Variants in APBA3 observed in about 807,000 individuals in gnomAD.
APBA3 encodes amyloid-beta A4 precursor protein-binding family A member 3.
APBA3 carries 45 observed loss-of-function variants against 55.9 expected under a neutral mutation model. The ratio of observed to expected loss-of-function variants is 0.80; its 90% CI spans 0.63 to 1.03. APBA3 has a LOEUF of 1.03. Among genes scored for constraint, APBA3 ranks in the 50% least tolerant of loss-of-function variants. APBA3 has a pLI of 0.00. For missense variants in APBA3, 865 were observed against 820.3 expected (o/e 1.05, Z -0.67); for synonymous variants, 370 against 353.3 (o/e 1.05, Z -0.53).
At position 3,750,871 on chromosome 19, in the gene APBA3, G is replaced by A. The variant is rs4807505; in HGVS notation, c.*155C>T. 0.13 allele frequency: 141,561 copies of A among 1,072,908 alleles called. 10,458 individuals carry two copies. Among genetic ancestry groups the A allele is most frequent in the South Asian group, 0.23 (16,487 of 71,352 alleles). 66.5% of individuals were successfully genotyped at this position (1,072,908 alleles called of 1,614,324 possible). On this transcript the variant is annotated 3_prime_UTR_variant, in exon 11 of 11. Coordinates refer to ENST00000316757, the MANE Select transcript of APBA3 (RefSeq NM_004886.4). ...TCCTCGGTCCCGTAGACCCTGATCCGAGACTTTGCCAAATGCATAAGCTTT... is the reference window on the plus strand; with the variant it reads ...TCCTCGGTCCCGTAGACCCTGATCCAAGACTTTGCCAAATGCATAAGCTTT...
chr19:3,753,183 A>T, intron 6 of APBA3, 193 bp from the exon 7 acceptor site: 8 of 641,918 alleles, frequency 1.2e-5, no homozygotes, highest in East Asian at 2.8e-5. Context: ...GGGAGAAGGA[A>T]GGGGAGGGGC....
At position 3,759,702 on chromosome 19, in the gene APBA3, G is replaced by A; in HGVS notation, c.563C>T (p.Pro188Leu). ...GGCGGGCACTACCTGGGCACCAGCG[G>A]GTGGCTCTTCAGGTGTGACTAGAGG... Reference protein sequence around the residue: ...TVPLVTPEEPPAGAQSPETLA... With the variant: ...TVPLVTPEEPLAGAQSPETLA... The change falls in exon 2 of 11, where the codon CCC becomes CTC. Residue 188 changes from proline to leucine, a missense_variant. By Grantham distance (98) the Pro-to-Leu change is moderately conservative (BLOSUM62 -3). Transcript: ENST00000316757. The A allele has an allele frequency of 6.2e-7, 1 of 1,612,150 alleles. No homozygotes were observed. The highest frequency in any genetic ancestry group is 8.5e-7 in the Non-Finnish European group (1 of 1,179,632).
rs146124498 is a variant in APBA3, at chr19:3,759,674, C to G, written c.576+15G>C. On this transcript the variant is annotated intron_variant, in intron 2 of 10. Transcript: ENST00000316757. Reference sequence around the variant, plus strand: ...CAGGCAGTCCAGGATGCCTGGAGGGCGGGGCGGGCACTACCTGGGCACCAG... The same window carrying G: ...CAGGCAGTCCAGGATGCCTGGAGGGGGGGGCGGGCACTACCTGGGCACCAG... 1 of 1,610,288 alleles carries G rather than the reference C, an allele frequency of 6.2e-7. No homozygotes were observed. The highest frequency in any genetic ancestry group is 1.3e-5 in the African/African-American group (1 of 74,676).
intron 3 of APBA3, among the ~76,000 whole-genome samples, chr19:3,757,411 C>T (rs11668141): frequency 0.31 from 46,579 of 151,874 alleles, 7,531 homozygotes; most frequent in East Asian, 0.46. Flanking sequence ...CCGGCCAGAA[C>T]TTACTATCTG....
chr19:3,753,198 C>T lies in APBA3; in HGVS notation c.1012-208G>A, dbSNP rs769591165. ...GGGAGAAGGAAGGGGAGGGGCAGCC[C>T]TGGGCTGGGGGGACGATGAGGGAGG... is the stretch of plus-strand genomic sequence containing the variant. On this transcript the variant is annotated intron_variant, in intron 6 of 10. Transcript: ENST00000316757. 828 of 624,786 alleles carry T rather than the reference C, an allele frequency of 1.3e-3. 16 individuals are homozygous for T. Among genetic ancestry groups the T allele is most frequent in the Non-Finnish European group, 2.5e-4 (92 of 363,094 alleles). 38.7% of individuals were successfully genotyped at this position (624,786 alleles called of 1,614,324 possible).
Position 3,760,260 on chromosome 19 carries a change from T to A in APBA3, c.5A>T (p.Asp2Val), listed in dbSNP as rs763325081. 17 of 1,597,400 alleles carry A rather than the reference T, an allele frequency of 1.1e-5. No homozygotes were observed. Among genetic ancestry groups the A allele is most frequent in the African/African-American group, 2.7e-5 (2 of 74,470 alleles). ...AGGGGATCGGGAAATTGTGGGGAAG[T>A]CCATGCCTGGACTCCAGGCTTAGGC... is the stretch of plus-strand genomic sequence containing the variant. M[D>V]FPTISRSPSG... is the part of the protein sequence containing the mutation. The change falls in exon 2 of 11, where the codon GAC (aspartate) becomes GTC (valine). Residue 2 changes from aspartate (D) to valine (V), a missense_variant. Physicochemically the swap from Asp to Val is radical, Grantham distance 152 (BLOSUM62 -3). Coordinates refer to ENST00000316757, the MANE Select transcript of APBA3 (RefSeq NM_004886.4).
chr19:3,759,646 T>C lies in APBA3; in HGVS notation c.576+43A>G, dbSNP rs768529979. On this transcript the variant is annotated intron_variant, in intron 2 of 10. Coordinates refer to ENST00000316757, the MANE Select transcript of APBA3 (RefSeq NM_004886.4). ...GGCAGGACTGAGTCTCCCTGCTTGGTTCCAGGCAGTCCAGGATGCCTGGAG... is the reference window on the plus strand; with the variant it reads ...GGCAGGACTGAGTCTCCCTGCTTGGCTCCAGGCAGTCCAGGATGCCTGGAG... 3.1e-6 allele frequency: 5 copies of C among 1,607,438 alleles called. No homozygotes were observed. In the Admixed American group the frequency reaches 8.6e-5, roughly 28 times the overall value.
intron 3 of APBA3, among the ~76,000 whole-genome samples, chr19:3,759,336 C>G (rs1322229075): frequency 6.6e-6 from 1 of 152,218 alleles, no homozygotes; most frequent in Non-Finnish European, 1.5e-5. Context: ...GGTTCTAGAA[C>G]CCAGTGCTGC....
In APBA3 at chr19:3,759,949, C is replaced by A. The variant is rs566027926; in HGVS notation, c.316G>T (p.Glu106Ter). 19 of 1,610,224 alleles carry A rather than the reference C, an allele frequency of 1.2e-5. No homozygotes were observed. Among genetic ancestry groups the A allele is most frequent in the Non-Finnish European group, 1.5e-5 (18 of 1,179,132 alleles). The change falls in exon 2 of 11, where the codon GAA becomes TAA. Residue 106 changes from glutamate (E) to a stop codon, truncating the protein, a stop_gained. Transcript: ENST00000316757. LOFTEE classifies it high-confidence loss of function. ...IADAHGLLSA[E>*]AGRDDLLGLL... ...CCCAGCAGGTCATCCCGGCCAGCTT[C>A]GGCAGACAGGAGCCCGTGGGCATCA...
chr19:3,753,738 G>C, intron 6 of APBA3, 27 bp downstream of exon 6: 1 of 1,481,996 alleles, frequency 6.7e-7, no homozygotes, highest in African/African-American at 1.4e-5. Flanking sequence ...GGCCTCAGGA[G>C]GGTGGCCCCG....
chr19:3,757,112 GTTT>G (rs112010117), intron 3 of APBA3, among the ~76,000 whole-genome samples: 1 of 146,904 alleles, frequency 6.8e-6, no homozygotes, highest in Non-Finnish European at 1.5e-5. Context: ...CCACAGAACT[GTTT>G]TTTTTTTTCT....
chr19:3,753,422 C>T (rs988454624), intron 6 of APBA3: 7 of 349,416 alleles, frequency 2.0e-5, no homozygotes, highest in African/African-American at 6.3e-5. Context: ...GTGGGTGGAT[C>T]GCTTGAGCCC....
chr19:3,755,560 G>GGGGGC (rs756161291), intron 3 of APBA3: 2 of 58,020 alleles, frequency 3.4e-5, no homozygotes, highest in Non-Finnish European at 7.1e-5. Context: ...TTAGGAGGCC[G>GGGGGC]GGGGGGGGGG....
chr19:3,760,286 C>T lies in APBA3; in HGVS notation c.-22G>A, dbSNP rs1389343966. The T allele has an allele frequency of 1.7e-5, 26 of 1,568,794 alleles. No homozygotes were observed. In the African/African-American group the frequency reaches 1.8e-4, roughly 11 times the overall value. On this transcript the variant is annotated 5_prime_UTR_variant, in exon 2 of 11. Coordinates refer to ENST00000316757, the MANE Select transcript of APBA3 (RefSeq NM_004886.4). ...CCATGCCTGGACTCCAGGCTTAGGC[C>T]GGCATCTTCAGGCAGCTGAAAGAGA...
At position 3,751,484 on chromosome 19, in the gene APBA3, GGAT is replaced by G; in HGVS notation, c.1462_1464del (p.Ile488del). 1 of 1,573,742 alleles carries G rather than the reference GGAT, an allele frequency of 6.4e-7. No homozygotes were observed. The highest frequency in any genetic ancestry group is 2.2e-4 in the Middle Eastern group (1 of 4,504). On this transcript the variant is annotated inframe_deletion, in exon 9 of 11. Transcript: ENST00000316757. ...AGCTGCTCGCGGGCGTGGGGCCGGT[GGAT>G]GATGGCGGTGGTGACGGGAGGGCAG...
chr19:3,758,552 T>A (rs2037105859), intron 3 of APBA3, among the ~76,000 whole-genome samples: 1 of 152,056 alleles, frequency 6.6e-6, no homozygotes, highest in African/African-American at 2.4e-5. Context: ...AGCCACCATA[T>A]CCAGCCTAGC....
chr19:3,754,166 T>G lies in APBA3; in HGVS notation c.762+29A>C, dbSNP rs746210138. 78 of 1,545,588 alleles carry G rather than the reference T, an allele frequency of 5.0e-5. No individual in the cohort carries two copies. The African/African-American group carries it at 9.5e-4, about 19-fold the overall frequency. On this transcript the variant is annotated intron_variant, in intron 4 of 10. Coordinates refer to ENST00000316757, the MANE Select transcript of APBA3 (RefSeq NM_004886.4). Reference sequence around the variant, plus strand: ...AGACCCAGCCTGCAGCCCACCCGCCTGCCCGCCCGGCCCCGGCCGCCCCCT... The same window carrying G: ...AGACCCAGCCTGCAGCCCACCCGCCGGCCCGCCCGGCCCCGGCCGCCCCCT...
intron 10 of APBA3, 42 bp downstream of exon 10, chr19:3,751,147 G>C (rs1398383607): frequency 1.3e-6 from 2 of 1,556,196 alleles, no homozygotes; most frequent in African/African-American, 2.7e-5. Context: ...GGCTCGTGGG[G>C]GACGTGGGGG....
chr19:3,751,568 C>A lies in APBA3; in HGVS notation c.1396-15G>T. On this transcript the variant is annotated splice_polypyrimidine_tract_variant and intron_variant, in intron 8 of 10. Transcript: ENST00000316757. ...GACTTCGTCTCCTGTGGGGCGGGGG[C>A]CGTTGGCCTCACTCAGCTGCCGGAC... is the stretch of plus-strand genomic sequence containing the variant. 6.3e-7 allele frequency: 1 copy of A among 1,575,748 alleles called. No homozygotes were observed. Among genetic ancestry groups the A allele is most frequent in the South Asian group, 1.2e-5 (1 of 86,550 alleles).
Sources: gnomAD v4.1 joint callset for allele counts (sites outside exome capture counted in the v4.1 genomes callset) on GRCh38, gnomAD v4.1.1 for gene constraint, MANE v1.5 for transcripts, NCBI Gene and HGNC (gene_info 2026-07-23, HGNC 2026-07-21) for gene names.